DOCK9: variants seen among roughly 807,000 people sequenced by gnomAD.
The protein encoded by DOCK9 is dedicator of cytokinesis protein 9.
DOCK9 carries 89 observed loss-of-function variants against 263.3 expected under a neutral mutation model. The observed-to-expected ratio is 0.34, with a 90% CI of 0.28 to 0.40. The LOEUF (loss-of-function observed/expected upper bound fraction) is 0.40. Ranked by LOEUF, DOCK9 falls within the 10% of genes least tolerant of loss-of-function variation. DOCK9 has a pLI of 1.00. For missense variants in DOCK9, 2,140 were observed against 2,603.4 expected, an observed-to-expected ratio of 0.82 and a Z score of 3.87; for synonymous variants, 976 against 973.1, an observed-to-expected ratio of 1.00 and a Z score of -0.06.
At chr13:98,919,662 T>A (rs554507174) in intron 7 of DOCK9, among the ~76,000 whole-genome samples, 3 of 152,290 alleles carry the variant, frequency 2.0e-5, no homozygotes, top group Non-Finnish European at 2.9e-5. Flanking sequence ...CCACAGAGCC[T>A]TCTGTGTGAG....
At chr13:98,978,686 C>G (rs903142036), upstream of DOCK9, among the ~76,000 whole-genome samples, 6 of 152,148 alleles carry the variant, frequency 3.9e-5, no homozygotes, top group Non-Finnish European at 7.4e-5. Context: ...ACCCCCAGTA[C>G]TAGGTGCTGA....
chr13:98,835,733 CTTTT>C (rs142745340), intron 39 of DOCK9, among the ~76,000 whole-genome samples: 37 of 79,398 alleles, frequency 4.7e-4, no homozygotes, highest in Middle Eastern at 7.8e-3. Context: ...CTTTACAACT[CTTTT>C]TTTTTTTTTT....
Position 98,948,673 on chromosome 13 carries a change from T to A in DOCK9, c.243+6762A>T, listed in dbSNP as rs79785348. ...CCAAAACTCTTTTCATCTTTCCAAC[T>A]GCGTCTCTGTTCCCATTGAACAATA... On this transcript the variant is annotated intron_variant, in intron 2 of 52. Coordinates refer to ENST00000682017, the MANE Select transcript of DOCK9 (RefSeq NM_001366683.2). Among the ~76,000 whole-genome samples, 26 of 152,342 alleles carry A rather than the reference T, an allele frequency of 1.7e-4. No homozygotes were observed. In the East Asian group the frequency reaches 4.6e-3, roughly 27 times the overall value.
At chr13:99,072,789 C>A (rs189225695) in intron 1 of DOCK9, among the ~76,000 whole-genome samples, 1 of 152,022 alleles carries the variant, frequency 6.6e-6, no homozygotes, top group Non-Finnish European at 1.5e-5. Flanking sequence ...CACTTGAACT[C>A]GAATTTGAGA....
intron 1 of DOCK9, among the ~76,000 whole-genome samples, chr13:99,045,885 G>A (rs1489420263): frequency 6.6e-6 from 1 of 150,810 alleles, no homozygotes; most frequent in Non-Finnish European, 1.5e-5. Flanking sequence ...GAGGTCAGGA[G>A]ATTGAGACTA....
At chr13:98,827,602 G>A (rs1186817355) in intron 43 of DOCK9, among the ~76,000 whole-genome samples, 2 of 152,242 alleles carry the variant, frequency 1.3e-5, no homozygotes, top group Non-Finnish European at 2.9e-5. Context: ...AGCAGAGGCT[G>A]CTCCACGTGC....
At chr13:98,809,086 G>A in intron 47 of DOCK9, 3 of 1,539,930 alleles carry the variant, frequency 1.9e-6, no homozygotes, top group Non-Finnish European at 2.6e-6. Context: ...AAGTACCAAA[G>A]ATGTTGCTAA....
At chr13:98,887,144 T>TATATATATATA (rs869233120) in intron 18 of DOCK9, among the ~76,000 whole-genome samples, 9 of 26,684 alleles carry the variant, frequency 3.4e-4, no homozygotes, top group African/African-American at 1.3e-3. Flanking sequence ...TATATATATA[T>TATATATATATA]TTTTTTTTTT....
intron 1 of DOCK9, among the ~76,000 whole-genome samples, chr13:98,997,981 G>A (rs1291614287): frequency 6.6e-6 from 1 of 152,188 alleles, no homozygotes; most frequent in African/African-American, 2.4e-5. Flanking sequence ...TCAGACTAGG[G>A]CTGAGGCCAT....
chr13:99,058,971 G>T (rs951665973), intron 1 of DOCK9, among the ~76,000 whole-genome samples: 2 of 152,122 alleles, frequency 1.3e-5, no homozygotes, highest in African/African-American at 4.8e-5. Flanking sequence ...CACTTCCCTT[G>T]GCTTCCCTGA....
chr13:98,957,664 TTGTCATAC>T (rs973538406), intron 1 of DOCK9, among the ~76,000 whole-genome samples: 4 of 152,312 alleles, frequency 2.6e-5, no homozygotes, highest in African/African-American at 9.6e-5. Flanking sequence ...TTTTATTTGT[TTGTCATAC>T]TGCATAGAGT....
intron 1 of DOCK9, among the ~76,000 whole-genome samples, chr13:99,005,164 C>T (rs1394353826): frequency 1.3e-5 from 2 of 151,926 alleles, no homozygotes; most frequent in Non-Finnish European, 2.9e-5. Context: ...CCCAGAGAGT[C>T]CACATAAAGA....
At chr13:98,885,676 T>G in intron 20 of DOCK9, 32 bp downstream of exon 20, 1 of 1,574,800 alleles carries the variant, frequency 6.4e-7, no homozygotes. Context: ...TTTCAATTAT[T>G]TAAAATCAAA....
chr13:98,909,604 C>T (rs1490554494), intron 9 of DOCK9, among the ~76,000 whole-genome samples: 2 of 152,158 alleles, frequency 1.3e-5, no homozygotes, highest in Admixed American at 1.3e-4. Flanking sequence ...TTCCAAGACA[C>T]CTAACTTCTC....
In DOCK9 at chr13:99,075,602, G is replaced by A. The variant is rs564856789; in HGVS notation, c.129+10621C>T. On this transcript the variant is annotated intron_variant, in intron 1 of 32. Coordinates refer to the DOCK9 transcript ENST00000427887. ...GCTGGTCTGAAACTCCTGGGCTCAA[G>A]CATTGCCCCACCTCAGCCTCCCAAA... 1.5e-3 allele frequency among the ~76,000 whole-genome samples: 234 copies of A among 151,848 alleles called. 8 individuals are homozygous for A. The South Asian group carries it at 0.048, about 31-fold the overall frequency.
chr13:99,066,405 C>A lies in DOCK9; in HGVS notation c.129+19818G>T, dbSNP rs192050200. ...ACAATCATTTCAGATTATTTTTAAT[C>A]TAGAACTCCACAAAAACTGGTTTCA... On this transcript the variant is annotated intron_variant, in intron 1 of 32. Transcript: ENST00000427887. 2.6e-5 allele frequency among the ~76,000 whole-genome samples: 4 copies of A among 152,300 alleles called. No homozygotes were observed. The East Asian group carries it at 7.7e-4, about 29-fold the overall frequency.
intron 2 of DOCK9, among the ~76,000 whole-genome samples, chr13:98,935,424 C>G (rs1181485187): frequency 6.6e-6 from 1 of 152,146 alleles, no homozygotes; most frequent in Non-Finnish European, 1.5e-5. Flanking sequence ...CAGAAAGAAC[C>G]AGGCTTCCAT....
At chr13:98,819,642 G>A (rs137990033) in intron 45 of DOCK9, among the ~76,000 whole-genome samples, 241 of 152,356 alleles carry the variant, frequency 1.6e-3, no homozygotes, top group African/African-American at 5.5e-3. Flanking sequence ...CCTACTCACT[G>A]CCACTACTGT....
At position 98,800,446 on chromosome 13, in the gene DOCK9, T is replaced by A; in HGVS notation, c.5758A>T (p.Ile1920Phe). 6.2e-7 allele frequency: 1 copy of A among 1,614,012 alleles called. No homozygotes were observed. The highest frequency in any genetic ancestry group is 8.5e-7 in the Non-Finnish European group (1 of 1,179,880). The change falls in exon 50 of 53, where the codon ATC (isoleucine) becomes TTC (phenylalanine). Residue 1920 changes from isoleucine to phenylalanine, a missense_variant. Around this residue, in one of 2 missense-constraint regions of DOCK9, gnomAD observed 619 missense variants for 861.8 expected, o/e 0.72. Coordinates refer to ENST00000682017, the MANE Select transcript of DOCK9 (RefSeq NM_001366683.2). ...IHCFPYVKKR[I>F]PVMYQHHTDL... ...GTGTGGTGCTGGTACATGACAGGGATGCGCTTCTTCACATAAGGGAAGCAG... is the reference window on the plus strand; with the variant it reads ...GTGTGGTGCTGGTACATGACAGGGAAGCGCTTCTTCACATAAGGGAAGCAG...
Sources: allele counts gnomAD v4.1 joint callset (sites outside exome capture counted in the v4.1 genomes callset), GRCh38; gene constraint gnomAD v4.1.1; regional missense constraint gnomAD v4.1.1; transcripts MANE v1.5; gene names NCBI Gene and HGNC (gene_info 2026-07-23, HGNC 2026-07-21).